TLCD3B: variants seen among roughly 807,000 people sequenced by gnomAD.
The protein encoded by TLCD3B is ceramide synthase.
TLCD3B carries 9 observed loss-of-function variants against 23.0 expected under a neutral mutation model. The ratio of observed to expected loss-of-function variants is 0.39; its 90% CI spans 0.24 to 0.68. TLCD3B has a LOEUF of 0.68. Ranked by LOEUF, TLCD3B falls within the 30% of genes least tolerant of loss-of-function variation. TLCD3B has a pLI of 0.44. For missense variants in TLCD3B, 307 were observed against 371.8 expected (o/e 0.83, Z 1.43); for synonymous variants, 161 against 161.0 (o/e 1.00, Z 0.00).
intron 1 of TLCD3B, among the ~76,000 whole-genome samples, chr16:30,048,057 G>A (rs556117692): frequency 6.6e-6 from 1 of 151,590 alleles, no homozygotes; most frequent in South Asian, 2.1e-4. Flanking sequence ...CAGAAGAATC[G>A]CTTGAACCCA....
At chr16:30,035,422 G>A (rs2071448692), upstream of TLCD3B, 3 of 1,289,494 alleles carry the variant, frequency 2.3e-6, no homozygotes, top group South Asian at 3.7e-5. Context: ...CCCAGCGCAG[G>A]GCAGTGAAGC....
intron 1 of TLCD3B, among the ~76,000 whole-genome samples, chr16:30,049,168 T>C (rs1420628312): frequency 6.6e-6 from 1 of 152,156 alleles, no homozygotes; most frequent in African/African-American, 2.4e-5. Context: ...CTGTAAGGAT[T>C]AAGTAAGATA....
At chr16:30,051,209 A>G (rs2151001399) in intron 1 of TLCD3B, among the ~76,000 whole-genome samples, 1 of 152,188 alleles carries the variant, frequency 6.6e-6, no homozygotes, top group African/African-American at 2.4e-5. Context: ...AGCCTGGCCA[A>G]CATAGTGAGA....
intron 2 of TLCD3B, among the ~76,000 whole-genome samples, chr16:30,042,846 C>T (rs940412279): frequency 6.6e-6 from 1 of 152,020 alleles, no homozygotes; most frequent in Non-Finnish European, 1.5e-5. Context: ...CACCTGTAAT[C>T]GCAATGCTTT....
At chr16:30,032,185 G>A (rs550132599), upstream of TLCD3B, among the ~76,000 whole-genome samples, 1 of 152,174 alleles carries the variant, frequency 6.6e-6, no homozygotes, top group Admixed American at 6.6e-5. Context: ...CTGGGCCCGG[G>A]TGGAGCTGTG....
At chr16:30,051,689 A>G (rs1379063889) in intron 1 of TLCD3B, among the ~76,000 whole-genome samples, 2 of 152,118 alleles carry the variant, frequency 1.3e-5, no homozygotes, top group East Asian at 3.8e-4. Context: ...GGAGCCAGAC[A>G]TGGAAGTGAG....
chr16:30,025,359 G>T lies in TLCD3B; in HGVS notation c.649C>A (p.Arg217Ser). 1 of 1,598,450 alleles carries T rather than the reference G, an allele frequency of 6.3e-7. No individual in the cohort carries two copies. The highest frequency in any genetic ancestry group is 8.5e-7 in the Non-Finnish European group (1 of 1,172,334). Residue 217 changes from arginine (R) to serine (S), a missense_variant, in exon 5 of 5, where the codon CGC (arginine) becomes AGC (serine). Arg to Ser is a moderately radical substitution (Grantham distance 110). Transcript: ENST00000380495. The surrounding 1 kb of genome is among the most constrained non-coding windows in gnomAD (Gnocchi z 4.1). Reference protein sequence around the residue: ...LFPYLYWAYGRHAGLPLLAVP... With the variant: ...LFPYLYWAYGSHAGLPLLAVP... ...GCCAGCAGGGGCAGGCCGGCATGGC[G>T]CCCGTAGGCCCAGTACAGGTAGGGA... is the stretch of plus-strand genomic sequence containing the variant.
chr16:30,051,452 C>T (rs1230313555), intron 1 of TLCD3B, among the ~76,000 whole-genome samples: 1 of 141,440 alleles, frequency 7.1e-6, no homozygotes, highest in Non-Finnish European at 1.5e-5. Context: ...GAATCCAGGG[C>T]GGAGGTTGCA....
chr16:30,024,691 A>G lies in TLCD3B; in HGVS notation c.*492T>C. On this transcript the variant is annotated 3_prime_UTR_variant, in exon 5 of 5. Transcript: ENST00000380495. ...AAATTTGGGTAAATAAATAAAATAA[A>G]TAAGATTCCTCAAGCTGGCCTACCC... The G allele has an allele frequency of 5.5e-6, 1 of 183,370 alleles. No homozygotes were observed. The highest frequency in any genetic ancestry group is 2.3e-3 in the Middle Eastern group (1 of 436). The allele number at this position is 183,370 out of a possible 1,614,324, so 11.4% of individuals were successfully genotyped here.
At position 30,029,266 on chromosome 16, in the gene TLCD3B, T is replaced by G. The variant is rs140761208; in HGVS notation, c.209+166A>C. ...CCTTTAAGGACAGGACAGGATAAATTTATCCCTGGGTGTTGAGTTGCGGTT... is the reference window on the plus strand; with the variant it reads ...CCTTTAAGGACAGGACAGGATAAATGTATCCCTGGGTGTTGAGTTGCGGTT... On this transcript the variant is annotated intron_variant, in intron 2 of 4. Transcript: ENST00000380495. The surrounding 1 kb of genome is among the most constrained non-coding windows in gnomAD (Gnocchi z 4.6). Among the ~76,000 whole-genome samples, 31 of 152,246 alleles carry G rather than the reference T, an allele frequency of 2.0e-4. No individual in the cohort carries two copies. The highest frequency in any genetic ancestry group is 4.3e-4 in the Non-Finnish European group (29 of 68,022).
At chr16:30,027,603 G>A in intron 2 of TLCD3B, 3 of 456,058 alleles carry the variant, frequency 6.6e-6, no homozygotes, top group Non-Finnish European at 1.3e-5. Flanking sequence ...TGTTTTTCAG[G>A]GACAGCCAAG....
upstream of TLCD3B, among the ~76,000 whole-genome samples, chr16:30,034,768 T>C (rs1027355673): frequency 2.0e-5 from 3 of 152,168 alleles, no homozygotes; most frequent in Non-Finnish European, 4.4e-5. Flanking sequence ...CTACAGACGC[T>C]GATTCATATG....
exon 1 of TLCD3B, chr16:30,052,868 ATCC>A (rs1191810981): frequency 6.6e-6 from 1 of 152,068 alleles, no homozygotes; most frequent in East Asian, 1.9e-4. Context: ...TGGGGGTTCA[ATCC>A]TCCTGTGGCG....
At chr16:30,036,665 G>T (rs187044296) in intron 3 of TLCD3B, 2 of 259,200 alleles carry the variant, frequency 7.7e-6, no homozygotes, top group East Asian at 1.1e-4. Context: ...TTTGCTTCCT[G>T]TGGGGGCTGG....
chr16:30,042,496 T>C (rs1036004953), intron 2 of TLCD3B, among the ~76,000 whole-genome samples: 2 of 152,118 alleles, frequency 1.3e-5, no homozygotes, highest in Non-Finnish European at 2.9e-5. Flanking sequence ...AGTGTTGGGA[T>C]TACAGGCATG....
In TLCD3B at chr16:30,025,874, G is replaced by A; in HGVS notation, c.445-53C>T. On this transcript the variant is annotated intron_variant, in intron 3 of 4. Coordinates refer to ENST00000380495, the MANE Select transcript of TLCD3B (RefSeq NM_031478.6). This position sits in a 1 kb window ranked among gnomAD's most constrained non-coding sequence, Gnocchi z 4.1. ...GCTGGGGCTCTCCCTGGGTTCTTGG[G>A]CAGCCCCCGCCCTTCCTCTTTCCCC... The A allele has an allele frequency of 7.1e-7, 1 of 1,407,236 alleles. No individual in the cohort carries two copies. The highest frequency in any genetic ancestry group is 1.2e-5 in the South Asian group (1 of 85,728). The allele number at this position is 1,407,236 out of a possible 1,614,324, so 87.2% of individuals were successfully genotyped here. A position where few individuals can be genotyped will look rare whatever the true frequency, so the allele number is the denominator to read the frequency against.
intron 1 of TLCD3B, chr16:30,030,005 T>C (rs1461010624): frequency 7.6e-7 from 1 of 1,317,900 alleles, no homozygotes; most frequent in Non-Finnish European, 1.0e-6. Flanking sequence ...GGCCCTGTTC[T>C]AGGGGTGTAG....
intron 1 of TLCD3B, among the ~76,000 whole-genome samples, chr16:30,047,697 G>A (rs899420101): frequency 1.3e-5 from 2 of 151,694 alleles, no homozygotes; most frequent in Non-Finnish European, 2.9e-5. Flanking sequence ...GACCTCAGGT[G>A]ATCCACCCGC....
At chr16:30,040,388 T>C (rs1383955996) in intron 3 of TLCD3B, among the ~76,000 whole-genome samples, 2 of 151,990 alleles carry the variant, frequency 1.3e-5, no homozygotes, top group Non-Finnish European at 2.9e-5. Flanking sequence ...TAATCATCTA[T>C]GCCACCTTAC....
Sources: allele counts gnomAD v4.1 joint callset (sites outside exome capture counted in the v4.1 genomes callset), GRCh38; gene constraint gnomAD v4.1.1; non-coding constraint Gnocchi (gnomAD v3.1); transcripts MANE v1.5; gene names NCBI Gene and HGNC (gene_info 2026-07-23, HGNC 2026-07-21).